SLC25A51: variants seen among roughly 807,000 people sequenced by gnomAD.
SLC25A51 encodes solute carrier family 25 member 51.
SLC25A51 carries 11 observed loss-of-function variants against 19.1 expected under a neutral mutation model. The observed-to-expected ratio is 0.58, with a 90% CI of 0.36 to 0.96. The LOEUF (loss-of-function observed/expected upper bound fraction) is 0.96. Ranked by LOEUF, SLC25A51 falls within the 40% of genes least tolerant of loss-of-function variation. The pLI is 0.01. For missense variants in SLC25A51, 201 were observed against 365.4 expected, an observed-to-expected ratio of 0.55 and a Z score of 3.67; for synonymous variants, 105 against 133.6, an observed-to-expected ratio of 0.79 and a Z score of 1.47.
At chr9:37,886,417 T>C (rs1831459377), downstream of SLC25A51, 6 of 1,557,422 alleles carry the variant, frequency 3.9e-6, no homozygotes, top group Non-Finnish European at 5.2e-6. Context: ...GTGCTTCCTC[T>C]CCTGTCAATT....
intron 1 of SLC25A51, 194 bp downstream of exon 1, chr9:37,903,874 G>C (rs1456473572): frequency 6.6e-6 from 1 of 152,310 alleles, no homozygotes; most frequent in Non-Finnish European, 1.5e-5. Flanking sequence ...AGCCGAGGAG[G>C]CTCAGAACTG....
intron 2 of SLC25A51, among the ~76,000 whole-genome samples, chr9:37,891,891 A>C (rs1831598708): frequency 7.3e-6 from 1 of 136,082 alleles, no homozygotes; most frequent in Admixed American, 7.7e-5. Flanking sequence ...TATACACACA[A>C]CTACTTTAAA....
chr9:37,886,263 T>G (rs1831455050), downstream of SLC25A51: 2 of 1,612,960 alleles, frequency 1.2e-6, no homozygotes, highest in Non-Finnish European at 1.7e-6. Flanking sequence ...ATCCGAGAAT[T>G]TAACTTAAAT....
chr9:37,894,793 C>A (rs1831677495), intron 2 of SLC25A51, among the ~76,000 whole-genome samples: 2 of 152,124 alleles, frequency 1.3e-5, no homozygotes, highest in South Asian at 2.1e-4. Flanking sequence ...TCCTATGGGC[C>A]CCAGTGTGTG....
At chr9:37,878,429 C>A, downstream of SLC25A51, 1 of 193,546 alleles carries the variant, frequency 5.2e-6, no homozygotes, top group Non-Finnish European at 1.2e-5. Context: ...TGGTTCTTCA[C>A]TCGAAAGAAA....
intron 2 of SLC25A51, chr9:37,881,757 T>A (rs1831354218): frequency 6.6e-6 from 1 of 152,200 alleles, no homozygotes. Flanking sequence ...ATCCCCAGGT[T>A]AAGTTGCTAA....
intron 1 of SLC25A51, 105 bp from the exon 2 acceptor site, chr9:37,900,055 C>T (rs1172848435): frequency 1.8e-5 from 2 of 111,136 alleles, no homozygotes; most frequent in Non-Finnish European, 3.3e-5. Context: ...CAACGGTGGT[C>T]TCAAACTCCT....
downstream of SLC25A51, among the ~76,000 whole-genome samples, chr9:37,885,251 G>A (rs868460639): frequency 4.4e-5 from 6 of 137,430 alleles, no homozygotes; most frequent in Non-Finnish European, 9.1e-5. Context: ...TTAAGAAAAA[G>A]AATCCTATCT....
Position 37,903,138 on chromosome 9 carries a change from C to T in SLC25A51, c.-165+930G>A, listed in dbSNP as rs890724570. Among the ~76,000 whole-genome samples the T allele has an allele frequency of 2.0e-5, 3 of 152,178 alleles. 1 individual carries two copies. Among genetic ancestry groups the T allele is most frequent in the African/African-American group, 7.2e-5 (3 of 41,432 alleles). On this transcript the variant is annotated intron_variant, in intron 1 of 2. Coordinates refer to ENST00000242275, the MANE Select transcript of SLC25A51 (RefSeq NM_033412.4). Reference sequence around the variant, plus strand: ...GCTAAGGGTGATTCCAGTTCCAAAGCGGTAACCTGTGCTCTAAACCACTAT... The same window carrying T: ...GCTAAGGGTGATTCCAGTTCCAAAGTGGTAACCTGTGCTCTAAACCACTAT...
chr9:37,900,573 C>T (rs913280563), intron 1 of SLC25A51, among the ~76,000 whole-genome samples: 4 of 152,018 alleles, frequency 2.6e-5, no homozygotes, highest in South Asian at 2.1e-4. Flanking sequence ...GGACCACAGG[C>T]GCATGCCACC....
rs748466748 is a variant in SLC25A51 at position 37,887,977 on chromosome 9, C to T, written c.574G>A (p.Gly192Ser). 1.4e-5 allele frequency: 22 copies of T among 1,611,806 alleles called. No individual in the cohort carries two copies. Among genetic ancestry groups the T allele is most frequent in the Middle Eastern group, 2.2e-4 (1 of 4,490 alleles). ...TGCTCCTTAATGGGACCTCGAAGGC[C>T]GAAAAACAAGACATTGCTGAGTCCA... is the stretch of plus-strand genomic sequence containing the variant. ...RNGLSNVLFF[G>S]LRGPIKEHLP... Residue 192 changes from glycine (G) to serine (S), a missense_variant, in exon 3 of 3, where the codon GGC becomes AGC. Transcript: ENST00000242275.
At chr9:37,886,754 G>A (rs1216835974), downstream of SLC25A51, among the ~76,000 whole-genome samples, 1 of 152,150 alleles carries the variant, frequency 6.6e-6, no homozygotes, top group African/African-American at 2.4e-5. Context: ...TGCACAGCCT[G>A]GTTAGACCTA....
Position 37,901,352 on chromosome 9 carries a change from G to C in SLC25A51, c.-164-1402C>G, listed in dbSNP as rs1831844629. Reference sequence around the variant, plus strand: ...CCGGCTAATTTCTGTATTTTTAGTGGAGACGGGGTTTCACTATGTTAGCCA... The same window carrying C: ...CCGGCTAATTTCTGTATTTTTAGTGCAGACGGGGTTTCACTATGTTAGCCA... On this transcript the variant is annotated intron_variant, in intron 1 of 2. Transcript: ENST00000242275. Among the ~76,000 whole-genome samples, 3 of 151,946 alleles carry C rather than the reference G, an allele frequency of 2.0e-5. No individual in the cohort carries two copies. The South Asian group carries it at 6.2e-4, about 32-fold the overall frequency.
At chr9:37,887,503 T>C, downstream of SLC25A51, 1 of 872,412 alleles carries the variant, frequency 1.1e-6, no homozygotes, top group Non-Finnish European at 1.7e-6. Flanking sequence ...TCCCCTGGAC[T>C]TTCACTAACC....
At chr9:37,884,325 T>G (rs551825090), downstream of SLC25A51, among the ~76,000 whole-genome samples, 5 of 152,236 alleles carry the variant, frequency 3.3e-5, no homozygotes, top group Non-Finnish European at 7.3e-5. Context: ...GAATGCTATT[T>G]GGCTATTACC....
chr9:37,902,078 C>A (rs1831860784), intron 1 of SLC25A51, among the ~76,000 whole-genome samples: 1 of 152,184 alleles, frequency 6.6e-6, no homozygotes, highest in African/African-American at 2.4e-5. Context: ...TTTATTTTTA[C>A]ATACGGAGCA....
downstream of SLC25A51, chr9:37,879,177 A>G: frequency 3.2e-6 from 1 of 314,918 alleles, no homozygotes; most frequent in African/African-American, 2.2e-5. Flanking sequence ...AAAGCTGAGT[A>G]TGAAGGGGTG....
intron 2 of SLC25A51, among the ~76,000 whole-genome samples, chr9:37,893,683 GAAGTC>G (rs1831647142): frequency 6.6e-6 from 1 of 152,196 alleles, no homozygotes; most frequent in Non-Finnish European, 1.5e-5. Flanking sequence ...GTTAGATTAT[GAAGTC>G]ACCTGTATGC....
At chr9:37,897,815 T>C (rs1831751622) in intron 2 of SLC25A51, among the ~76,000 whole-genome samples, 1 of 152,166 alleles carries the variant, frequency 6.6e-6, no homozygotes, top group African/African-American at 2.4e-5. Flanking sequence ...TTTTCAAGTT[T>C]ACACAGGGAA....
Sources: allele counts gnomAD v4.1 joint callset (sites outside exome capture counted in the v4.1 genomes callset), GRCh38; gene constraint gnomAD v4.1.1; transcripts MANE v1.5; gene names NCBI Gene and HGNC (gene_info 2026-07-23, HGNC 2026-07-21).